The following TRAF3IP1 variants were observed in gnomAD, a reference collection of about 807,000 sequenced individuals.
TRAF3IP1 encodes intraflagellar transport 54, also known as TRAF3-interacting protein 1.
A neutral mutation model predicts 89.9 loss-of-function variants in TRAF3IP1; 53 were observed. The observed-to-expected ratio is 0.59, with a 90% CI of 0.47 to 0.74. The LOEUF is 0.74. Among genes scored for constraint, TRAF3IP1 ranks in the 30% least tolerant of loss-of-function variants. TRAF3IP1 has a pLI of 0.00. For synonymous variants in TRAF3IP1, 311 were observed against 322.1 expected (o/e 0.97, Z 0.37); for missense variants, 806 against 866.1 (o/e 0.93, Z 0.87).
At chr2:238,393,827 A>G (rs1227191745) in intron 15 of TRAF3IP1, among the ~76,000 whole-genome samples, 1 of 152,200 alleles carries the variant, frequency 6.6e-6, no homozygotes, top group Non-Finnish European at 1.5e-5. Flanking sequence ...GTATGGATCT[A>G]CTTTTGGATT....
At chr2:238,390,227 G>A (rs1700937470) in intron 15 of TRAF3IP1, among the ~76,000 whole-genome samples, 2 of 152,202 alleles carry the variant, frequency 1.3e-5, no homozygotes, top group South Asian at 4.1e-4. Flanking sequence ...TTAGACACTG[G>A]ATCCATGGTG....
intron 15 of TRAF3IP1, among the ~76,000 whole-genome samples, chr2:238,378,748 G>A (rs1700424113): frequency 6.6e-6 from 1 of 152,126 alleles, no homozygotes; most frequent in African/African-American, 2.4e-5. Flanking sequence ...TGGGTTAAGG[G>A]AACTTTGAGG....
chr2:238,364,405 C>T (rs1401382176), intron 15 of TRAF3IP1, among the ~76,000 whole-genome samples: 1 of 23,016 alleles, frequency 4.3e-5, no homozygotes, highest in Non-Finnish European at 6.4e-5. Flanking sequence ...CTCCTGCCAG[C>T]GTTTTTTTTT....
intron 15 of TRAF3IP1, among the ~76,000 whole-genome samples, chr2:238,372,780 C>T (rs1700162358): frequency 6.6e-6 from 1 of 152,210 alleles, no homozygotes; most frequent in African/African-American, 2.4e-5. Flanking sequence ...TCTCCACATC[C>T]TCTCCAGCAT....
chr2:238,331,934 A>G (rs555935213), intron 5 of TRAF3IP1, among the ~76,000 whole-genome samples: 1 of 152,288 alleles, frequency 6.6e-6, no homozygotes, highest in East Asian at 1.9e-4. Flanking sequence ...ATCCTAGGCT[A>G]CCTCATGGGC....
intron 7 of TRAF3IP1, among the ~76,000 whole-genome samples, chr2:238,336,118 C>G (rs780225285): frequency 6.6e-6 from 1 of 152,082 alleles, no homozygotes; most frequent in East Asian, 1.9e-4. Flanking sequence ...TCCAGTAGTT[C>G]TTCTGTTGAT....
At chr2:238,381,942 G>C (rs1346701726) in intron 15 of TRAF3IP1, among the ~76,000 whole-genome samples, 1 of 152,220 alleles carries the variant, frequency 6.6e-6, no homozygotes, top group Non-Finnish European at 1.5e-5. Context: ...GGGAAGAGGA[G>C]CGCGCTGAGT....
chr2:238,387,574 G>C (rs1700824179), intron 15 of TRAF3IP1, among the ~76,000 whole-genome samples: 1 of 152,138 alleles, frequency 6.6e-6, no homozygotes, highest in South Asian at 2.1e-4. Flanking sequence ...GCCACTTCCT[G>C]TTGCATACCC....
intron 9 of TRAF3IP1, among the ~76,000 whole-genome samples, chr2:238,346,683 C>T (rs1039951720): frequency 1.3e-5 from 2 of 152,202 alleles, no homozygotes; most frequent in South Asian, 2.1e-4. Flanking sequence ...CTGTCTGAGG[C>T]GGGGCCGTGT....
At chr2:238,381,141 AT>A (rs148374609) in intron 15 of TRAF3IP1, among the ~76,000 whole-genome samples, 228 of 133,132 alleles carry the variant, frequency 1.7e-3, no homozygotes, top group African/African-American at 6.0e-3. Context: ...TTATTTATTT[AT>A]TTTTTTTTTT....
In TRAF3IP1 at chr2:238,325,886, C is replaced by T; in HGVS notation, c.270C>T (p.Ala90=). 1 of 1,614,202 alleles carries T rather than the reference C, an allele frequency of 6.2e-7. No individual in the cohort carries two copies. The highest frequency in any genetic ancestry group is 8.5e-7 in the Non-Finnish European group (1 of 1,180,028). Reference sequence around the variant, plus strand: ...TGGTGTCGGGAGAGCCACTGTTGGCCAAACCAGCCCGAATCGTGGCGGGGC... The same window carrying T: ...TGGTGTCGGGAGAGCCACTGTTGGCTAAACCAGCCCGAATCGTGGCGGGGC... ...VVMVSGEPLL[A]KPARIVAGHE... is the part of the protein sequence containing the mutation. The change falls in exon 3 of 17, where the codon GCC becomes GCT. Residue 90 remains alanine (A), a synonymous_variant. Coordinates refer to ENST00000373327, the MANE Select transcript of TRAF3IP1 (RefSeq NM_015650.4).
At chr2:238,356,932 C>T (rs1460952982) in intron 15 of TRAF3IP1, among the ~76,000 whole-genome samples, 1 of 152,104 alleles carries the variant, frequency 6.6e-6, no homozygotes, top group African/African-American at 2.4e-5. Context: ...GTGCTCGACA[C>T]TGCTCCTAGC....
chr2:238,397,299 C>T lies in TRAF3IP1; in HGVS notation c.1690-160C>T, dbSNP rs1040210477. ...ACTTCAGAGTTACTCTGTTAGGCAGCATGGCTCTCCCTTTGCATGGGAGTG... is the reference window on the plus strand; with the variant it reads ...ACTTCAGAGTTACTCTGTTAGGCAGTATGGCTCTCCCTTTGCATGGGAGTG... On this transcript the variant is annotated intron_variant, in intron 15 of 16. Transcript: ENST00000373327. 3.7e-5 allele frequency: 23 copies of T among 624,396 alleles called. No homozygotes were observed. The Middle Eastern group carries it at 1.3e-3, about 34-fold the overall frequency. 38.7% of individuals were successfully genotyped at this position (624,396 alleles called of 1,614,324 possible).
intron 15 of TRAF3IP1, among the ~76,000 whole-genome samples, chr2:238,375,894 G>T (rs1559386733): frequency 3.3e-5 from 5 of 152,064 alleles, no homozygotes; most frequent in Admixed American, 2.6e-4. Context: ...GTATTCTGTG[G>T]GACAGAAGTG....
chr2:238,395,016 G>T (rs562869945), intron 15 of TRAF3IP1, among the ~76,000 whole-genome samples: 2 of 152,262 alleles, frequency 1.3e-5, no homozygotes, highest in Non-Finnish European at 2.9e-5. Context: ...GTGAGGCAAG[G>T]AAGGGCCCCT....
At chr2:238,395,848 A>G (rs1360845198) in intron 15 of TRAF3IP1, among the ~76,000 whole-genome samples, 1 of 152,266 alleles carries the variant, frequency 6.6e-6, no homozygotes, top group Non-Finnish European at 1.5e-5. Flanking sequence ...CACACCAGTT[A>G]GAATGGCGAT....
chr2:238,328,694 T>C lies in TRAF3IP1; in HGVS notation c.363T>C (p.Ser121=), dbSNP rs140265133. The change falls in exon 4 of 17, where the codon AGT becomes AGC. Residue 121 remains serine (S), a synonymous_variant. Transcript: ENST00000373327. The part of the protein sequence containing the change: ...IGKCCLNKLS[S]DDAVRRVLAG... ...TCCATTTGGACGACAAGCTCTCTAG[T>C]GACGATGCGGTGCGGAGGGTTTTAG... 1.6e-5 allele frequency: 26 copies of C among 1,613,708 alleles called. No homozygotes were observed. In the African/African-American group the frequency reaches 2.1e-4, roughly 13 times the overall value.
intron 15 of TRAF3IP1, among the ~76,000 whole-genome samples, chr2:238,392,725 C>T (rs1017268090): frequency 2.0e-5 from 3 of 152,064 alleles, no homozygotes; most frequent in Admixed American, 1.3e-4. Flanking sequence ...TACAGGCATG[C>T]GCCACCGCGC....
chr2:238,325,442 T>A (rs1697777052), intron 2 of TRAF3IP1, 68 bp downstream of exon 2: 1 of 1,509,898 alleles, frequency 6.6e-7, no homozygotes, highest in South Asian at 1.1e-5. Flanking sequence ...GTAGGCCTGG[T>A]AGTGTGGCTT....
Sources: gnomAD v4.1 joint callset for allele counts (sites outside exome capture counted in the v4.1 genomes callset) on GRCh38, gnomAD v4.1.1 for gene constraint, MANE v1.5 for transcripts, NCBI Gene and HGNC (gene_info 2026-07-23, HGNC 2026-07-21) for gene names.